PDE1A: variants seen among roughly 807,000 people sequenced by gnomAD.
PDE1A encodes phosphodiesterase 1A, also known as dual specificity calcium/calmodulin-dependent 3',5'-cyclic nucleotide phosphodiesterase 1A.
A neutral mutation model predicts 61.7 loss-of-function variants in PDE1A; 35 were observed. That is an observed-to-expected ratio of 0.57 (90% CI 0.43 to 0.75). The LOEUF (loss-of-function observed/expected upper bound fraction) is 0.75, where lower values mean the gene tolerates loss of function less well. Ranked by LOEUF, PDE1A falls within the 30% of genes least tolerant of loss-of-function variation. PDE1A has a pLI of 0.00. For missense variants in PDE1A, 597 were observed against 630.6 expected (o/e 0.95, Z 0.57); for synonymous variants, 232 against 213.2 (o/e 1.09, Z -0.77).
chr2:182,299,957 T>C lies in PDE1A; in HGVS notation c.54-35543A>G, dbSNP rs140928574. Among the ~76,000 whole-genome samples the C allele has an allele frequency of 9.8e-5, 15 of 152,294 alleles. No individual in the cohort carries two copies. The East Asian group carries it at 2.1e-3, about 22-fold the overall frequency. ...CAGCTAGCAATAAGGACAACCACACTGTGACATATCTCAGACAGATAGTGG... is the reference window on the plus strand; with the variant it reads ...CAGCTAGCAATAAGGACAACCACACCGTGACATATCTCAGACAGATAGTGG... On this transcript the variant is annotated intron_variant, in intron 1 of 13. Transcript: ENST00000351439.
intron 1 of PDE1A, among the ~76,000 whole-genome samples, chr2:182,281,005 TG>T (rs1054973891): frequency 1.3e-5 from 2 of 151,888 alleles, no homozygotes; most frequent in Non-Finnish European, 2.9e-5. Flanking sequence ...ATTATAGAGA[TG>T]TTTTTCACAA....
intron 2 of PDE1A, among the ~76,000 whole-genome samples, chr2:182,455,469 G>A (rs937887444): frequency 2.6e-5 from 4 of 152,056 alleles, no homozygotes; most frequent in African/African-American, 7.2e-5. Flanking sequence ...TATGTTTATT[G>A]CGGCACTATT....
the PDE1A span, among the ~76,000 whole-genome samples, chr2:182,631,198 G>C: frequency 1.3e-5 from 2 of 152,182 alleles, no homozygotes; most frequent in East Asian, 1.9e-4. Flanking sequence ...GAAGCCCTTA[G>C]AACCAGGTGT....
intron 1 of PDE1A, among the ~76,000 whole-genome samples, chr2:182,386,044 G>T (rs189288745): frequency 6.6e-6 from 1 of 152,220 alleles, no homozygotes; most frequent in Admixed American, 6.5e-5. Context: ...TGGTGGAGAC[G>T]GGGTTTCGCT....
chr2:182,346,128 CAT>C (rs1329213755), intron 1 of PDE1A, among the ~76,000 whole-genome samples: 1 of 152,080 alleles, frequency 6.6e-6, no homozygotes, highest in Non-Finnish European at 1.5e-5. Flanking sequence ...TTTCTAGAAA[CAT>C]AAATATCTTC....
intron 7 of PDE1A, among the ~76,000 whole-genome samples, chr2:182,223,223 G>C (rs1196826659): frequency 6.6e-6 from 1 of 151,938 alleles, no homozygotes. Context: ...AGCAACCTCA[G>C]AGGAAACCAA....
chr2:182,502,033 C>T (rs1478784470), intron 2 of PDE1A, among the ~76,000 whole-genome samples: 1 of 152,174 alleles, frequency 6.6e-6, no homozygotes, highest in East Asian at 1.9e-4. Context: ...CGCTGGCAGG[C>T]CCTCAGACTG....
the PDE1A span, among the ~76,000 whole-genome samples, chr2:182,645,016 C>T: frequency 4.9e-5 from 7 of 142,486 alleles, no homozygotes; most frequent in East Asian, 2.1e-4. Flanking sequence ...GACTGAGTCT[C>T]GCTCTGTTGC....
At chr2:182,235,924 T>A (rs1689975123) in intron 3 of PDE1A, among the ~76,000 whole-genome samples, 1 of 152,368 alleles carries the variant, frequency 6.6e-6, no homozygotes, top group African/African-American at 2.4e-5. Flanking sequence ...TCAGTTTCTA[T>A]GTAAAAGCCA....
chr2:182,423,677 C>A (rs1351412202), intron 1 of PDE1A, among the ~76,000 whole-genome samples: 1 of 152,162 alleles, frequency 6.6e-6, no homozygotes, highest in African/African-American at 2.4e-5. Context: ...GTTATCACCT[C>A]CTTTATGGCA....
intron 13 of PDE1A, among the ~76,000 whole-genome samples, chr2:182,162,057 C>G (rs576977020): frequency 2.7e-3 from 408 of 152,198 alleles, no homozygotes; most frequent in African/African-American, 9.5e-3. Flanking sequence ...ACCTACTCCC[C>G]CACACTGGGA....
the PDE1A span, among the ~76,000 whole-genome samples, chr2:182,669,666 G>T: frequency 6.6e-6 from 1 of 152,106 alleles, no homozygotes; most frequent in Non-Finnish European, 1.5e-5. Flanking sequence ...ATAATCCCTT[G>T]TATTTTACAT....
At chr2:182,454,717 T>C (rs1482039577) in intron 2 of PDE1A, among the ~76,000 whole-genome samples, 1 of 151,954 alleles carries the variant, frequency 6.6e-6, no homozygotes, top group Non-Finnish European at 1.5e-5. Flanking sequence ...GCTAGCCATA[T>C]GTAGAAAGCT....
At chr2:182,651,015 G>C in the PDE1A span, among the ~76,000 whole-genome samples, 1 of 151,942 alleles carries the variant, frequency 6.6e-6, no homozygotes, top group Non-Finnish European at 1.5e-5. Flanking sequence ...GTTTTGTTTT[G>C]TTTTTTTCCA....
intron 1 of PDE1A, among the ~76,000 whole-genome samples, chr2:182,311,218 T>C (rs1240426343): frequency 6.6e-6 from 1 of 152,242 alleles, no homozygotes; most frequent in East Asian, 1.9e-4. Context: ...TCTATTTAGA[T>C]AGAAACTCTC....
At chr2:182,172,938 G>A (rs1358416303) in intron 13 of PDE1A, among the ~76,000 whole-genome samples, 1 of 151,992 alleles carries the variant, frequency 6.6e-6, no homozygotes, top group Non-Finnish European at 1.5e-5. Context: ...CCCAGGAGTA[G>A]AGAGCAAACA....
chr2:182,513,927 G>C (rs950968299), intron 2 of PDE1A, among the ~76,000 whole-genome samples: 1 of 152,162 alleles, frequency 6.6e-6, no homozygotes, highest in Non-Finnish European at 1.5e-5. Context: ...CAACACTGGA[G>C]CATCCAGATT....
At chr2:182,692,825 C>T in the PDE1A span, among the ~76,000 whole-genome samples, 1 of 151,724 alleles carries the variant, frequency 6.6e-6, no homozygotes, top group Non-Finnish European at 1.5e-5. Context: ...AACATATCTG[C>T]CTCCTCTTGG....
intron 2 of PDE1A, among the ~76,000 whole-genome samples, chr2:182,489,794 A>C (rs1277322644): frequency 7.2e-6 from 1 of 139,630 alleles, no homozygotes; most frequent in Non-Finnish European, 1.5e-5. Context: ...GAGCAACAAG[A>C]GGTGTTGGAT....
Sources: gnomAD v4.1 joint callset for allele counts (sites outside exome capture counted in the v4.1 genomes callset) on GRCh38, gnomAD v4.1.1 for gene constraint, MANE v1.5 for transcripts, NCBI Gene and HGNC (gene_info 2026-07-23, HGNC 2026-07-21) for gene names.